Variants in LMBR1 observed in about 807,000 individuals in gnomAD.
LMBR1 encodes limb region 1 protein homolog.
In LMBR1, 52 loss-of-function variants were observed where a neutral mutation model predicts 73.9. That is an observed-to-expected ratio of 0.70 (90% CI 0.56 to 0.89). LMBR1 has a LOEUF of 0.89. Among genes scored for constraint, LMBR1 ranks in the 40% least tolerant of loss-of-function variants. The probability of loss-of-function intolerance (pLI) is 0.00; values close to 1 mark genes in which losing one functional copy is unlikely to be tolerated. For synonymous variants in LMBR1, 215 were observed against 209.4 expected (o/e 1.03, Z -0.23); for missense variants, 539 against 579.8 (o/e 0.93, Z 0.72).
intron 15 of LMBR1, among the ~76,000 whole-genome samples, chr7:156,697,489 C>T (rs1036326178): frequency 2.6e-5 from 4 of 152,206 alleles, no homozygotes; most frequent in African/African-American, 9.7e-5. Context: ...CAGTCCTTAT[C>T]TCAACCGCAT....
chr7:156,827,408 ATAAATG>A (rs796380205), intron 3 of LMBR1, among the ~76,000 whole-genome samples: 14 of 152,272 alleles, frequency 9.2e-5, no homozygotes, highest in African/African-American at 2.9e-4. Flanking sequence ...AGCATGGACA[ATAAATG>A]TAAAACATGT....
At position 156,680,720 on chromosome 7, in the gene LMBR1, T is replaced by C. The variant is rs1219573406; in HGVS notation, c.*3358A>G. On this transcript the variant is annotated 3_prime_UTR_variant, in exon 17 of 17. Coordinates refer to ENST00000353442, the MANE Select transcript of LMBR1 (RefSeq NM_022458.4). ...ACAACAGAGAAAGAAAATATCCATTTCTTAATTCAACATTCATCAGAATAA... is the reference window on the plus strand; with the variant it reads ...ACAACAGAGAAAGAAAATATCCATTCCTTAATTCAACATTCATCAGAATAA... 1 of 159,238 alleles carries C rather than the reference T, an allele frequency of 6.3e-6. No individual in the cohort carries two copies. The highest frequency in any genetic ancestry group is 1.4e-5 in the Non-Finnish European group (1 of 72,938). The allele number at this position is 159,238 out of a possible 1,614,324, so 9.9% of individuals were successfully genotyped here. A position where few individuals can be genotyped will look rare whatever the true frequency, so the allele number is the denominator to read the frequency against.
At chr7:156,820,250 T>C (rs1200556621) in intron 4 of LMBR1, among the ~76,000 whole-genome samples, 1 of 152,118 alleles carries the variant, frequency 6.6e-6, no homozygotes, top group African/African-American at 2.4e-5. Context: ...ATCTGGCAAA[T>C]GCTTTTCTCT....
chr7:156,734,256 C>T lies in LMBR1; in HGVS notation c.759G>A (p.Gly253=), dbSNP rs747964556. The change falls in exon 10 of 17, where the codon GGG becomes GGA. Residue 253 remains glycine, a splice_region_variant and synonymous_variant. Transcript: ENST00000353442. ...EEEALQRRLN[G]LSSSVEYNIM... ...TGTTGTATTCCACCGATGAAGACAGCCCTGTTCAAAGCAAAAAATATTTAG... is the reference window on the plus strand; with the variant it reads ...TGTTGTATTCCACCGATGAAGACAGTCCTGTTCAAAGCAAAAAATATTTAG... The T allele has an allele frequency of 3.8e-6, 6 of 1,595,802 alleles. No individual in the cohort carries two copies. The highest frequency in any genetic ancestry group is 2.7e-5 in the African/African-American group (2 of 73,994).
chr7:156,730,706 G>A (rs1380121080), intron 10 of LMBR1, among the ~76,000 whole-genome samples: 2 of 152,186 alleles, frequency 1.3e-5, no homozygotes, highest in Non-Finnish European at 2.9e-5. Context: ...GGAAGGCCAA[G>A]GCAGGCCAAT....
chr7:156,883,150 C>T (rs2134492224), intron 1 of LMBR1, among the ~76,000 whole-genome samples: 1 of 152,302 alleles, frequency 6.6e-6, no homozygotes, highest in South Asian at 2.1e-4. Flanking sequence ...CCTGTAATCC[C>T]AGCACTTTGG....
chr7:156,889,399 G>A (rs891048152), intron 1 of LMBR1, among the ~76,000 whole-genome samples: 4 of 152,076 alleles, frequency 2.6e-5, no homozygotes, highest in African/African-American at 7.2e-5. Context: ...AAAAAGTTAA[G>A]CAATTATAGC....
chr7:156,742,322 C>T lies in LMBR1; in HGVS notation c.758-8065G>A, dbSNP rs1819046215. On this transcript the variant is annotated intron_variant, in intron 9 of 16. Transcript: ENST00000353442. ...ATAAATAAAATTGAAATGAGGAATACAAAAGATCAATGAAACAAAAAGTTG... is the reference window on the plus strand; with the variant it reads ...ATAAATAAAATTGAAATGAGGAATATAAAAGATCAATGAAACAAAAAGTTG... 5.9e-5 allele frequency among the ~76,000 whole-genome samples: 9 copies of T among 151,346 alleles called. No homozygotes were observed. In the South Asian group the frequency reaches 1.9e-3, roughly 32 times the overall value.
intron 5 of LMBR1, among the ~76,000 whole-genome samples, chr7:156,783,130 A>G (rs1423545127): frequency 6.6e-6 from 1 of 152,138 alleles, no homozygotes; most frequent in East Asian, 1.9e-4. Context: ...AACTCTAAAA[A>G]TTATGAACAC....
intron 15 of LMBR1, among the ~76,000 whole-genome samples, chr7:156,697,619 T>C (rs1345561480): frequency 1.3e-5 from 2 of 152,232 alleles, no homozygotes; most frequent in African/African-American, 4.8e-5. Context: ...CTTCCCTATT[T>C]GCATGTCCAT....
chr7:156,717,309 ATG>A lies in LMBR1; in HGVS notation c.1225+6801_1225+6802del, dbSNP rs1487855860. 3.3e-5 allele frequency among the ~76,000 whole-genome samples: 5 copies of A among 152,198 alleles called. No homozygotes were observed. In the East Asian group the frequency reaches 9.6e-4, roughly 29 times the overall value. ...GAAGGGAAATACAGGAGAGAGAGAAATGACAGGTTCTGTTTTAGAAATGACCA... is the reference window on the plus strand; with the variant it reads ...GAAGGGAAATACAGGAGAGAGAGAAAACAGGTTCTGTTTTAGAAATGACCA... On this transcript the variant is annotated intron_variant, in intron 15 of 16. Coordinates refer to ENST00000353442, the MANE Select transcript of LMBR1 (RefSeq NM_022458.4).
chr7:156,804,272 G>A lies in LMBR1; in HGVS notation c.320-7780C>T, dbSNP rs534244349. Among the ~76,000 whole-genome samples the A allele has an allele frequency of 2.0e-5, 3 of 152,214 alleles. No homozygotes were observed. The East Asian group carries it at 5.8e-4, about 29-fold the overall frequency. ...AACTATTTTGAGATTAGATTGAATC[G>A]CTATTGGACTGCATCCATTCACCTG... On this transcript the variant is annotated intron_variant, in intron 4 of 16. Transcript: ENST00000353442.
intron 4 of LMBR1, among the ~76,000 whole-genome samples, chr7:156,814,348 C>T (rs1833570931): frequency 6.6e-6 from 1 of 152,028 alleles, no homozygotes; most frequent in South Asian, 2.1e-4. Flanking sequence ...TATGATATTC[C>T]ATTAATTCTA....
At chr7:156,865,090 T>C (rs1023165820) in intron 1 of LMBR1, among the ~76,000 whole-genome samples, 4 of 151,372 alleles carry the variant, frequency 2.6e-5, no homozygotes, top group African/African-American at 9.7e-5. Context: ...GAGGATCGCT[T>C]GAGCTCAGCA....
chr7:156,817,652 T>A (rs992740921), intron 4 of LMBR1, among the ~76,000 whole-genome samples: 1 of 152,256 alleles, frequency 6.6e-6, no homozygotes, highest in South Asian at 2.1e-4. Context: ...ATAACTTTTT[T>A]CTTAAAAAAC....
At chr7:156,879,799 G>A (rs547392741) in intron 1 of LMBR1, among the ~76,000 whole-genome samples, 1 of 152,074 alleles carries the variant, frequency 6.6e-6, no homozygotes, top group African/African-American at 2.4e-5. Flanking sequence ...AAACCACAAT[G>A]TGATACCACC....
chr7:156,737,757 C>G (rs1430211436), intron 9 of LMBR1, among the ~76,000 whole-genome samples: 1 of 151,826 alleles, frequency 6.6e-6, no homozygotes, highest in Non-Finnish European at 1.5e-5. Flanking sequence ...ATCTCTATCT[C>G]TGCCAGGATA....
rs969290071 is a variant in LMBR1 at position 156,796,048 on chromosome 7, A to G, written c.423+341T>C. 2.3e-4 allele frequency among the ~76,000 whole-genome samples: 35 copies of G among 152,218 alleles called. No individual in the cohort carries two copies. The highest frequency in any genetic ancestry group is 3.1e-4 in the Non-Finnish European group (21 of 68,032). ...ACGTATGGAATAACAGCTAGATAAC[A>G]GAAAGGGGAGCCCATGGAAATAACA... On this transcript the variant is annotated intron_variant, in intron 5 of 16. Coordinates refer to ENST00000353442, the MANE Select transcript of LMBR1 (RefSeq NM_022458.4).
intron 1 of LMBR1, among the ~76,000 whole-genome samples, chr7:156,852,006 C>A (rs918248391): frequency 2.6e-5 from 4 of 152,118 alleles, no homozygotes; most frequent in Non-Finnish European, 5.9e-5. Flanking sequence ...AAACATTCCT[C>A]CACTTTTAGA....
Sources: gnomAD v4.1 joint callset for allele counts (sites outside exome capture counted in the v4.1 genomes callset) on GRCh38, gnomAD v4.1.1 for gene constraint, MANE v1.5 for transcripts, NCBI Gene and HGNC (gene_info 2026-07-23, HGNC 2026-07-21) for gene names.